Variants in LRP2 observed in about 807,000 individuals in gnomAD.
LRP2 encodes LDL receptor related protein 2.
LRP2 carries 172 observed loss-of-function variants against 531.0 expected under a neutral mutation model. The observed-to-expected ratio is 0.32, with a 90% CI of 0.29 to 0.37. The LOEUF is 0.37. Among genes scored for constraint, LRP2 ranks in the 10% least tolerant of loss-of-function variants. The pLI is 1.00. For missense variants in LRP2, 5,167 were observed against 5,868.3 expected (o/e 0.88, Z 3.90); for synonymous variants, 1,992 against 2,027.6 (o/e 0.98, Z 0.47).
Position 169,235,965 on chromosome 2 carries a change from A to G in LRP2, c.4795T>C (p.Trp1599Arg), listed in dbSNP as rs776143806. ...TAGTCAATAGTTAAGCCGCAGGGCC[A>G]GAAGATCTTGTCCTGGACAATGACA... Reference protein sequence around the residue: ...RTVIVQDKIFWPCGLTIDYPN... With the variant: ...RTVIVQDKIFRPCGLTIDYPN... The change falls in exon 29 of 79, where the codon TGG (tryptophan) becomes CGG (arginine). Residue 1599 changes from tryptophan to arginine, a missense_variant. By Grantham distance (101) the Trp-to-Arg change is moderately radical. Transcript: ENST00000649046. The G allele has an allele frequency of 3.6e-5, 58 of 1,614,120 alleles. No homozygotes were observed. The highest frequency in any genetic ancestry group is 4.6e-5 in the Non-Finnish European group (54 of 1,180,044).
At chr2:169,308,134 G>A (rs1684477861) in intron 3 of LRP2, among the ~76,000 whole-genome samples, 1 of 152,028 alleles carries the variant, frequency 6.6e-6, no homozygotes, top group African/African-American at 2.4e-5. Context: ...GGGAAAACGT[G>A]ATCATCTAAA....
intron 1 of LRP2, among the ~76,000 whole-genome samples, chr2:169,361,927 A>C (rs1686176517): frequency 6.6e-6 from 1 of 152,136 alleles, no homozygotes; most frequent in Non-Finnish European, 1.5e-5. Flanking sequence ...CTGCGCTCTG[A>C]GCAGAGCCCG....
intron 50 of LRP2, among the ~76,000 whole-genome samples, chr2:169,182,916 C>G (rs1434134526): frequency 6.6e-6 from 1 of 152,176 alleles, no homozygotes; most frequent in Non-Finnish European, 1.5e-5. Context: ...ACTGCTACCT[C>G]AAGGACATTT....
At chr2:169,157,591 A>C in intron 63 of LRP2, 89 bp from the exon 64 acceptor site, 1 of 1,439,610 alleles carries the variant, frequency 6.9e-7, no homozygotes, top group Non-Finnish European at 9.7e-7. Context: ...CTCGTAACCA[A>C]CTATAGGACA....
chr2:169,356,889 G>A (rs1311487134), intron 1 of LRP2, among the ~76,000 whole-genome samples: 1 of 152,134 alleles, frequency 6.6e-6, no homozygotes, highest in Non-Finnish European at 1.5e-5. Flanking sequence ...ATGCAAAACT[G>A]CAGTCCATTT....
intron 55 of LRP2, among the ~76,000 whole-genome samples, chr2:169,174,492 G>A (rs114625582): frequency 3.4e-3 from 512 of 152,250 alleles, no homozygotes; most frequent in South Asian, 7.5e-3. Flanking sequence ...TTGATGTGTT[G>A]TTTTTAGTTT....
Position 169,185,437 on chromosome 2 carries a change from A to G in LRP2, c.9845+66T>C, listed in dbSNP as rs146625825. 122 of 1,519,764 alleles carry G rather than the reference A, an allele frequency of 8.0e-5. 2 individuals are homozygous for G. The East Asian group carries it at 2.8e-3, about 35-fold the overall frequency. 94.1% of individuals were successfully genotyped at this position (1,519,764 alleles called of 1,614,324 possible). A position where few individuals can be genotyped will look rare whatever the true frequency, so the allele number is the denominator to read the frequency against. Reference sequence around the variant, plus strand: ...CAAGTTGAAAAATTAATTTCCTATCAAGATGAAAACATGGTTAGAATTTTT... The same window carrying G: ...CAAGTTGAAAAATTAATTTCCTATCGAGATGAAAACATGGTTAGAATTTTT... On this transcript the variant is annotated intron_variant, in intron 50 of 78. Coordinates refer to ENST00000649046, the MANE Select transcript of LRP2 (RefSeq NM_004525.3).
chr2:169,312,103 C>T (rs1265720980), intron 3 of LRP2, among the ~76,000 whole-genome samples: 4 of 152,020 alleles, frequency 2.6e-5, no homozygotes, highest in South Asian at 4.2e-4. Context: ...TGTCTCTGCA[C>T]GTGAGATGGG....
intron 26 of LRP2, among the ~76,000 whole-genome samples, chr2:169,238,886 A>C (rs1302814934): frequency 1.3e-5 from 2 of 152,166 alleles, no homozygotes; most frequent in African/African-American, 4.8e-5. Flanking sequence ...GAAATTACGA[A>C]TCAAATCTCA....
intron 16 of LRP2, among the ~76,000 whole-genome samples, chr2:169,269,650 C>G (rs554066515): frequency 6.6e-6 from 1 of 152,092 alleles, no homozygotes; most frequent in Non-Finnish European, 1.5e-5. Flanking sequence ...CCATAAGAAC[C>G]CTTAGAAGAA....
chr2:169,246,281 AT>A (rs1216608373), intron 21 of LRP2, among the ~76,000 whole-genome samples: 2 of 151,984 alleles, frequency 1.3e-5, no homozygotes, highest in African/African-American at 4.8e-5. Context: ...GCCATTTTAT[AT>A]TTTTTGTAGA....
intron 8 of LRP2, among the ~76,000 whole-genome samples, chr2:169,290,249 C>T (rs1051232188): frequency 6.9e-6 from 1 of 143,954 alleles, no homozygotes; most frequent in African/African-American, 2.5e-5. Flanking sequence ...AGGTACATAA[C>T]CCAGGAACCA....
chr2:169,353,084 A>G (rs896506213), intron 1 of LRP2, among the ~76,000 whole-genome samples: 1 of 152,198 alleles, frequency 6.6e-6, no homozygotes, highest in African/African-American at 2.4e-5. Flanking sequence ...CCCCTGCTTT[A>G]GTAAGGGTGA....
At chr2:169,295,735 A>G (rs528454575) in intron 4 of LRP2, among the ~76,000 whole-genome samples, 160 of 152,322 alleles carry the variant, frequency 1.1e-3, no homozygotes, top group Non-Finnish European at 2.0e-3. Flanking sequence ...GAAATGTTCA[A>G]TGTTGCTATT....
rs183867145 is a variant in LRP2, at chr2:169,290,873, T to C, written c.894A>G (p.Glu298=). The change falls in exon 8 of 79, where the codon GAA becomes GAG. Residue 298 remains glutamate, a synonymous_variant. Coordinates refer to ENST00000649046, the MANE Select transcript of LRP2 (RefSeq NM_004525.3). ...GILDCPGRED[E]NNTSTGKYCS... ...AGTATTTTCCGGTACTAGTGTTGTT[T>C]TCATCTTCTCTTCCTGGGCAATCTA... 2.5e-5 allele frequency: 41 copies of C among 1,614,174 alleles called. No individual in the cohort carries two copies. Among genetic ancestry groups the C allele is most frequent in the Admixed American group, 2.3e-4 (14 of 60,030 alleles).
chr2:169,288,326 A>T (rs1683910779), intron 9 of LRP2, among the ~76,000 whole-genome samples: 2 of 152,210 alleles, frequency 1.3e-5, no homozygotes, highest in African/African-American at 4.8e-5. Context: ...CAAAAATCTC[A>T]TTGGGAGAAA....
chr2:169,353,729 G>A (rs1331406582), intron 1 of LRP2, among the ~76,000 whole-genome samples: 4 of 152,160 alleles, frequency 2.6e-5, no homozygotes, highest in African/African-American at 4.8e-5. Context: ...GGTGGCTAGC[G>A]CCTATAATCC....
intron 33 of LRP2, among the ~76,000 whole-genome samples, chr2:169,221,161 T>A (rs1231922288): frequency 6.6e-6 from 1 of 152,152 alleles, no homozygotes; most frequent in Non-Finnish European, 1.5e-5. Flanking sequence ...ATATGGAAGG[T>A]CTGCGTAGAC....
chr2:169,327,658 T>TG (rs1294883346), intron 1 of LRP2, among the ~76,000 whole-genome samples: 1 of 4,754 alleles, frequency 2.1e-4, no homozygotes, highest in Non-Finnish European at 4.5e-4. Context: ...GGGAGGGAGG[T>TG]GGGGGGCTCA....
Sources: gnomAD v4.1 joint callset for allele counts (sites outside exome capture counted in the v4.1 genomes callset) on GRCh38, gnomAD v4.1.1 for gene constraint, MANE v1.5 for transcripts, NCBI Gene and HGNC (gene_info 2026-07-23, HGNC 2026-07-21) for gene names.